The following MAPDA variants were observed in gnomAD, a reference collection of about 807,000 sequenced individuals.
The protein encoded by MAPDA is N6,N6-dimethyl-AMP deaminase.
chr15:43,344,591 C>G, the MAPDA span, among the ~76,000 whole-genome samples: 1 of 151,900 alleles, frequency 6.6e-6, no homozygotes. Context: ...GGCAGATCAC[C>G]TGAGGTCAGG....
At chr15:43,345,393 A>G in the MAPDA span, among the ~76,000 whole-genome samples, 3 of 152,002 alleles carry the variant, frequency 2.0e-5, no homozygotes, top group African/African-American at 4.8e-5. Context: ...TGTTAACAAC[A>G]CAGGATACAA....
the MAPDA span, chr15:43,330,403 C>T: frequency 6.3e-7 from 1 of 1,577,978 alleles, no homozygotes. Context: ...CGTACCCGCG[C>T]GCGGCCAGGG....
chr15:43,339,894 C>G, the MAPDA span, among the ~76,000 whole-genome samples: 1 of 152,166 alleles, frequency 6.6e-6, no homozygotes, highest in African/African-American at 2.4e-5. Context: ...TGTGCATTTC[C>G]TAGCAGTCTA....
chr15:43,351,250 C>G, the MAPDA span: 1 of 512,300 alleles, frequency 2.0e-6, no homozygotes, highest in South Asian at 2.4e-5. Flanking sequence ...CACTTGAACC[C>G]AGGAGGAGGA....
At chr15:43,348,440 A>G in the MAPDA span, among the ~76,000 whole-genome samples, 129 of 152,250 alleles carry the variant, frequency 8.5e-4, no homozygotes, top group Non-Finnish European at 1.5e-3. Flanking sequence ...TAAAAGCCCA[A>G]TTTCTATTTG....
the MAPDA span, among the ~76,000 whole-genome samples, chr15:43,334,568 C>T: frequency 6.9e-6 from 1 of 144,004 alleles, no homozygotes; most frequent in East Asian, 2.0e-4. Flanking sequence ...ATAGAGGCTG[C>T]AGTGAGCTGA....
the MAPDA span, among the ~76,000 whole-genome samples, chr15:43,336,299 C>T: frequency 6.6e-6 from 1 of 152,112 alleles, no homozygotes; most frequent in Non-Finnish European, 1.5e-5. Flanking sequence ...CTCGCCTTGG[C>T]TTCTTAAAGT....
chr15:43,342,010 C>A, the MAPDA span, among the ~76,000 whole-genome samples: 2 of 151,792 alleles, frequency 1.3e-5, no homozygotes, highest in African/African-American at 4.8e-5. Flanking sequence ...GGCTCATTTT[C>A]ATATTTTTAG....
the MAPDA span, among the ~76,000 whole-genome samples, chr15:43,332,731 C>A: frequency 6.6e-6 from 1 of 152,050 alleles, no homozygotes. Context: ...TAAACAGTAA[C>A]AAATTTTTTT....
chr15:43,330,400 G>A, the MAPDA span: 4 of 1,538,196 alleles, frequency 2.6e-6, no homozygotes, highest in South Asian at 2.3e-5. Context: ...GCACGTACCC[G>A]CGCGCGGCCA....
chr15:43,344,507 G>T, the MAPDA span, among the ~76,000 whole-genome samples: 13 of 152,110 alleles, frequency 8.5e-5, no homozygotes. Flanking sequence ...GGTTCTCTGG[G>T]TATTCAAGAA....
the MAPDA span, chr15:43,347,136 A>G: frequency 2.0e-6 from 3 of 1,485,846 alleles, no homozygotes; most frequent in South Asian, 1.2e-5. Context: ...ACAGATTGTA[A>G]TAGAAAATAA....
the MAPDA span, among the ~76,000 whole-genome samples, chr15:43,334,633 T>TTATATATATATATATATATATATATA: frequency 7.6e-3 from 493 of 64,952 alleles, 36 homozygotes; most frequent in Non-Finnish European, 0.013. Flanking sequence ...CTCAAAAAAA[T>TTATATATATATATATATATATATATA]TATATATATA....
chr15:43,330,503 T>G, the MAPDA span: 1 of 1,512,648 alleles, frequency 6.6e-7, no homozygotes, highest in African/African-American at 1.4e-5. Context: ...CAGAAGAGAC[T>G]CAGGAATGGC....
At chr15:43,351,080 T>A in the MAPDA span, 1 of 1,518,740 alleles carries the variant, frequency 6.6e-7, no homozygotes, top group Non-Finnish European at 8.9e-7. Flanking sequence ...TCCTTTTTGC[T>A]CCCTGAGTTG....
chr15:43,330,623 G>T, the MAPDA span: 1 of 1,079,378 alleles, frequency 9.3e-7, no homozygotes, highest in Non-Finnish European at 1.3e-6. Flanking sequence ...CGGCACTTGT[G>T]CGTCACTTCC....
the MAPDA span, among the ~76,000 whole-genome samples, chr15:43,342,652 A>T: frequency 1.3e-5 from 2 of 151,492 alleles, no homozygotes; most frequent in Non-Finnish European, 2.9e-5. Context: ...CAGGAGGCTG[A>T]GGTGGCAGGA....
chr15:43,333,802 T>C, the MAPDA span, among the ~76,000 whole-genome samples: 1 of 152,266 alleles, frequency 6.6e-6, no homozygotes, highest in African/African-American at 2.4e-5. Context: ...ACATGGAAAC[T>C]GTTATTCTTA....
At chr15:43,340,380 A>G in the MAPDA span, 1 of 1,581,578 alleles carries the variant, frequency 6.3e-7, no homozygotes, top group Non-Finnish European at 8.7e-7. Flanking sequence ...CAGCAAATGT[A>G]CTGTCCTTTT....
Sources: gnomAD v4.1 joint callset for allele counts (sites outside exome capture counted in the v4.1 genomes callset) on GRCh38, gnomAD v4.1.1 for gene constraint, MANE v1.5 for transcripts, NCBI Gene and HGNC (gene_info 2026-07-23, HGNC 2026-07-21) for gene names.